The following FRMD1 variants were observed in gnomAD, a reference collection of about 807,000 sequenced individuals.
FRMD1 encodes FERM domain containing 1, also known as FERM domain-containing protein 1.
Under a neutral mutation model 54.9 loss-of-function variants are expected in FRMD1, and 51 were observed. The ratio of observed to expected loss-of-function variants is 0.93; its 90% CI spans 0.74 to 1.17. The LOEUF is 1.17. Among genes scored for constraint, FRMD1 ranks in the 50% most tolerant of loss-of-function variants. The probability of loss-of-function intolerance (pLI) is 0.00; values close to 1 mark genes in which losing one functional copy is unlikely to be tolerated. For missense variants in FRMD1, 729 were observed against 743.0 expected (o/e 0.98, Z 0.22); for synonymous variants, 324 against 306.4 (o/e 1.06, Z -0.60).
chr6:168,061,081 G>A lies in FRMD1; in HGVS notation c.1046-24C>T, dbSNP rs753766896. The stretch of plus-strand genomic sequence containing the variant: ...CTCTGTGGGGAGTGGGGAGCACAGT[G>A]AGGGCGAGCTGGAGAGGGACCAGCC... On this transcript the variant is annotated intron_variant, in intron 8 of 10. Transcript: ENST00000283309. The A allele has an allele frequency of 8.8e-6, 14 of 1,593,306 alleles. No individual in the cohort carries two copies. The East Asian group carries it at 2.9e-4, about 33-fold the overall frequency.
At chr6:168,083,790 C>T (rs747965975), upstream of FRMD1, among the ~76,000 whole-genome samples, 10 of 152,156 alleles carry the variant, frequency 6.6e-5, no homozygotes, top group East Asian at 1.9e-4. Flanking sequence ...CTGTCCCTGG[C>T]CGGGGAAGAC....
rs1799699821 is a variant in FRMD1 at position 168,061,008 on chromosome 6, G to GTCCAGC, written c.1089_1094dup (p.Glu363_Leu364dup). Reference sequence around the variant, plus strand: ...TGCCCGGGAAGCTCCTGCTGGCCAGGTCCAGCTCCAGCTCATCGCTGATAT... The same window carrying GTCCAGC: ...TGCCCGGGAAGCTCCTGCTGGCCAGGTCCAGCTCCAGCTCCAGCTCATCGCTGATAT... On this transcript the variant is annotated inframe_insertion, in exon 9 of 11. Coordinates refer to ENST00000283309, the MANE Select transcript of FRMD1 (RefSeq NM_024919.6). 7 of 1,613,044 alleles carry GTCCAGC rather than the reference G, an allele frequency of 4.3e-6. No homozygotes were observed. Among genetic ancestry groups the GTCCAGC allele is most frequent in the East Asian group, 2.2e-5 (1 of 44,864 alleles).
rs1259985134 is a variant in FRMD1 at position 168,060,760 on chromosome 6, C to T, written c.1342+1G>A. 8 of 1,606,300 alleles carry T rather than the reference C, an allele frequency of 5.0e-6. No homozygotes were observed. Among genetic ancestry groups the T allele is most frequent in the Admixed American group, 3.3e-5 (2 of 59,892 alleles). ...GGCCTGGGCATCTCCCTCGGGCCCA[C>T]CTTGGCTGTCACCACGTGTGCTGGG... On this transcript the variant is annotated splice_donor_variant, in intron 9 of 10. Transcript: ENST00000283309. LOFTEE classifies it high-confidence loss of function.
upstream of FRMD1, chr6:168,079,233 G>A (rs1800759272): frequency 1.4e-6 from 2 of 1,410,530 alleles, no homozygotes; most frequent in Non-Finnish European, 1.9e-6. Flanking sequence ...CCTGGGCTGG[G>A]AATCCAGCAT....
At chr6:168,079,891 G>A (rs73030326), upstream of FRMD1, among the ~76,000 whole-genome samples, 16,196 of 152,198 alleles carry the variant, frequency 0.11, 864 homozygotes, top group African/African-American at 0.12. Context: ...CAACGCCTTC[G>A]AGCTCTTTGG....
Position 168,056,038 on chromosome 6 carries a change from G to A in FRMD1, c.*1059C>T, listed in dbSNP as rs543843816. The stretch of plus-strand genomic sequence containing the variant: ...GGGGGCAGTGGTGTTCAGGGCACAG[G>A]GCTGAACGATTGTGGCCTCTCAGTG... On this transcript the variant is annotated 3_prime_UTR_variant, in exon 11 of 11. Coordinates refer to ENST00000283309, the MANE Select transcript of FRMD1 (RefSeq NM_024919.6). The A allele has an allele frequency of 2.0e-5, 3 of 152,410 alleles. No homozygotes were observed. In the East Asian group the frequency reaches 5.8e-4, roughly 30 times the overall value. 9.4% of individuals were successfully genotyped at this position (152,410 alleles called of 1,614,324 possible).
intron 6 of FRMD1, among the ~76,000 whole-genome samples, chr6:168,063,400 G>A (rs1299535371): frequency 2.9e-5 from 4 of 137,406 alleles, no homozygotes; most frequent in African/African-American, 1.1e-4. Context: ...GGCTCCATCC[G>A]TCCCTGGCCT....
At chr6:168,062,317 G>A (rs779362999) in intron 7 of FRMD1, among the ~76,000 whole-genome samples, 1 of 152,234 alleles carries the variant, frequency 6.6e-6, no homozygotes, top group African/African-American at 2.4e-5. Flanking sequence ...CCCGGCACCC[G>A]GGCTGTGGGG....
intron 2 of FRMD1, among the ~76,000 whole-genome samples, chr6:168,069,790 C>T (rs1177008711): frequency 1.3e-5 from 2 of 152,200 alleles, no homozygotes; most frequent in Admixed American, 1.3e-4. Context: ...TCACTGTCCC[C>T]CTAAACCCCT....
chr6:168,086,124 G>A (rs1800913806), upstream of FRMD1, among the ~76,000 whole-genome samples: 1 of 152,232 alleles, frequency 6.6e-6, no homozygotes, highest in Non-Finnish European at 1.5e-5. Flanking sequence ...CGCCAGCCAT[G>A]TCCCCAGCGT....
chr6:168,065,164 C>G lies in FRMD1; in HGVS notation c.462-107G>C, dbSNP rs577882874. ...CACCAGCTCCCAGGGCTGTCCTGAG[C>G]CCCTGGTACCTAGTTCCTGTCTTGT... On this transcript the variant is annotated intron_variant, in intron 4 of 10. Coordinates refer to ENST00000283309, the MANE Select transcript of FRMD1 (RefSeq NM_024919.6). 323 of 1,449,590 alleles carry G rather than the reference C, an allele frequency of 2.2e-4. 2 individuals carry two copies. In the African/African-American group the frequency reaches 4.1e-3, roughly 19 times the overall value. 89.8% of individuals were successfully genotyped at this position (1,449,590 alleles called of 1,614,324 possible).
intron 4 of FRMD1, 164 bp downstream of exon 4, chr6:168,066,591 C>A: frequency 7.1e-7 from 1 of 1,414,230 alleles, no homozygotes; most frequent in Non-Finnish European, 9.2e-7. Context: ...AAATAGAATT[C>A]CTGTGTTAAC....
rs1799466256 is a variant in FRMD1, at chr6:168,057,343, CG to C, written c.1408-5del. 6.2e-7 allele frequency: 1 copy of C among 1,608,620 alleles called. No individual in the cohort carries two copies. The highest frequency in any genetic ancestry group is 8.5e-7 in the Non-Finnish European group (1 of 1,179,678). On this transcript the variant is annotated splice_polypyrimidine_tract_variant and splice_region_variant and intron_variant, in intron 10 of 10. Coordinates refer to ENST00000283309, the MANE Select transcript of FRMD1 (RefSeq NM_024919.6). ...CCCCGGCTGTCATTTCCTGGATCTG[CG>C]GGGAGAGGCCATGGGATGAGGCCTG...
chr6:168,066,212 C>T, intron 4 of FRMD1: 22 of 988,002 alleles, frequency 2.2e-5, no homozygotes, highest in Non-Finnish European at 2.6e-5. Flanking sequence ...GGAAGTACCA[C>T]TTTAGGCCGG....
In FRMD1 at chr6:168,079,129, G is replaced by A. The variant is rs41266315; in HGVS notation, c.-35C>T. On this transcript the variant is annotated 5_prime_UTR_variant, in exon 1 of 11. Transcript: ENST00000283309. ...ACTCGGCCCTCCCCCGCCATGGGTC[G>A]CAGGTGGGTGCTCAGCACCTCCCAG... The A allele has an allele frequency of 0.11, 164,269 of 1,553,988 alleles. 8,551 individuals are homozygous for A. The highest frequency in any genetic ancestry group is 0.14 in the East Asian group (6,264 of 43,946).
At chr6:168,057,446 C>G (rs942708652) in intron 10 of FRMD1, 107 bp from the exon 11 acceptor site, 8 of 1,508,772 alleles carry the variant, frequency 5.3e-6, no homozygotes, top group Non-Finnish European at 7.1e-6. Context: ...CCTGCCAATG[C>G]CCACCCTGCG....
upstream of FRMD1, chr6:168,079,255 G>A (rs1800759970): frequency 1.5e-6 from 2 of 1,358,950 alleles, no homozygotes; most frequent in East Asian, 5.1e-5. Flanking sequence ...GCCAAGCCAG[G>A]ACAAGGGTCA....
chr6:168,085,009 G>T (rs548825063), upstream of FRMD1, among the ~76,000 whole-genome samples: 7 of 152,338 alleles, frequency 4.6e-5, 1 homozygote, highest in East Asian at 1.2e-3. Flanking sequence ...ACTCCCTCCC[G>T]TGTTCCTGGT....
chr6:168,088,794 C>T (rs1800964872), intron 1 of FRMD1, among the ~76,000 whole-genome samples: 1 of 85,340 alleles, frequency 1.2e-5, no homozygotes, highest in Admixed American at 1.4e-4. Flanking sequence ...AAGCCTTCCA[C>T]TGCAAGGCAA....
Sources: allele counts gnomAD v4.1 joint callset (sites outside exome capture counted in the v4.1 genomes callset), GRCh38; gene constraint gnomAD v4.1.1; transcripts MANE v1.5; gene names NCBI Gene and HGNC (gene_info 2026-07-23, HGNC 2026-07-21).